Variants in LRRC4C observed in about 807,000 individuals in gnomAD.
LRRC4C encodes the protein leucine rich repeat containing 4C, also known as leucine-rich repeat-containing protein 4C.
LRRC4C carries 5 observed loss-of-function variants against 33.6 expected under a neutral mutation model. The ratio of observed to expected loss-of-function variants is 0.15; its 90% CI spans 0.08 to 0.31. The LOEUF (loss-of-function observed/expected upper bound fraction) is 0.31. LRRC4C is among the 10% of genes least tolerant of loss of function. The pLI is 1.00. For synonymous variants in LRRC4C, 329 were observed against 302.0 expected, an observed-to-expected ratio of 1.09 and a Z score of -0.93; for missense variants, 560 against 796.7, an observed-to-expected ratio of 0.70 and a Z score of 3.58.
intron 3 of LRRC4C, among the ~76,000 whole-genome samples, chr11:40,469,832 A>G (rs1454909868): frequency 1.3e-5 from 2 of 152,130 alleles, no homozygotes; most frequent in Admixed American, 6.5e-5. Flanking sequence ...GCCTCTCTAG[A>G]TTCCTCCTCT....
chr11:41,199,783 C>T (rs533844582), intron 1 of LRRC4C, among the ~76,000 whole-genome samples: 1 of 152,196 alleles, frequency 6.6e-6, no homozygotes, highest in Non-Finnish European at 1.5e-5. Context: ...ACTAGCTGGA[C>T]CTTCTTTCTG....
chr11:41,094,898 G>A (rs767108505), intron 1 of LRRC4C, among the ~76,000 whole-genome samples: 5 of 152,028 alleles, frequency 3.3e-5, no homozygotes, highest in Admixed American at 6.5e-5. Flanking sequence ...GTCTAAAAAG[G>A]TAGAGCTTAA....
intron 2 of LRRC4C, among the ~76,000 whole-genome samples, chr11:40,819,853 T>C (rs1481570489): frequency 6.6e-6 from 1 of 151,914 alleles, no homozygotes; most frequent in African/African-American, 2.4e-5. Context: ...TCAAGATACA[T>C]AGAAAAACTC....
chr11:40,579,587 A>G (rs1283478355), intron 3 of LRRC4C, among the ~76,000 whole-genome samples: 2 of 152,154 alleles, frequency 1.3e-5, no homozygotes, highest in Non-Finnish European at 2.9e-5. Context: ...ACCACAGTCT[A>G]GTTTTAGAAC....
intron 1 of LRRC4C, among the ~76,000 whole-genome samples, chr11:41,043,701 T>C (rs997038340): frequency 2.6e-5 from 4 of 152,156 alleles, no homozygotes; most frequent in African/African-American, 9.7e-5. Flanking sequence ...TGAGCTATTG[T>C]GTCCACAGCT....
intron 3 of LRRC4C, among the ~76,000 whole-genome samples, chr11:40,469,182 G>A (rs1822015): frequency 0.37 from 56,275 of 151,944 alleles, 10,749 homozygotes; most frequent in East Asian, 0.57. Context: ...TGAGGTACCC[G>A]GGTCATCTCA....
chr11:40,479,376 C>A (rs1316472713), intron 3 of LRRC4C, among the ~76,000 whole-genome samples: 1 of 152,016 alleles, frequency 6.6e-6, no homozygotes, highest in Non-Finnish European at 1.5e-5. Context: ...TTTGAGCTAC[C>A]CAGACAAGGT....
At chr11:41,395,972 G>A (rs1565639053) in intron 1 of LRRC4C, among the ~76,000 whole-genome samples, 1 of 152,040 alleles carries the variant, frequency 6.6e-6, no homozygotes, top group Non-Finnish European at 1.5e-5. Context: ...TGGGCCACAT[G>A]TGGCCCAGGA....
chr11:40,430,171 C>T (rs541681096), intron 3 of LRRC4C, among the ~76,000 whole-genome samples: 1 of 151,038 alleles, frequency 6.6e-6, no homozygotes, highest in African/African-American at 2.4e-5. Flanking sequence ...AAAGATTTTT[C>T]TCAGTTTTCA....
chr11:41,387,430 G>T (rs1045002294), intron 1 of LRRC4C, among the ~76,000 whole-genome samples: 2 of 151,682 alleles, frequency 1.3e-5, no homozygotes, highest in African/African-American at 4.8e-5. Flanking sequence ...AACAGATTTG[G>T]TGTTGGCTTA....
At chr11:41,206,608 T>C (rs1946611618) in intron 1 of LRRC4C, among the ~76,000 whole-genome samples, 1 of 152,192 alleles carries the variant, frequency 6.6e-6, no homozygotes, top group South Asian at 2.1e-4. Context: ...CCCCAGGCCC[T>C]ACCACTTTGA....
intron 1 of LRRC4C, among the ~76,000 whole-genome samples, chr11:41,380,296 G>A (rs986524674): frequency 6.6e-6 from 1 of 152,096 alleles, no homozygotes; most frequent in African/African-American, 2.4e-5. Flanking sequence ...ATTGTATCAA[G>A]AATCACTTTT....
chr11:40,114,909 T>C lies in LRRC4C; in HGVS notation c.1384A>G (p.Met462Val). The C allele has an allele frequency of 1.9e-6, 3 of 1,614,192 alleles. No individual in the cohort carries two copies. The highest frequency in any genetic ancestry group is 1.1e-5 in the South Asian group (1 of 91,088). ...CGTGCCTCATCCTGAGACGGTTCCA[T>C]AGTCTCTACTGTGACGGTTGAAAAG... ...SYFSTVTVET[M>V]EPSQDEARTT... The change falls in exon 7 of 7, where the codon ATG (methionine) becomes GTG (valine). Residue 462 changes from methionine (M) to valine (V), a missense_variant. This residue lies in a region of LRRC4C where 455 missense variants were observed against 643.8 expected (regional missense o/e 0.71). Coordinates refer to ENST00000528697, the MANE Select transcript of LRRC4C (RefSeq NM_001258419.2).
At chr11:41,189,893 C>G (rs530724802) in intron 1 of LRRC4C, among the ~76,000 whole-genome samples, 10 of 152,284 alleles carry the variant, frequency 6.6e-5, no homozygotes, top group African/African-American at 2.2e-4. Flanking sequence ...TGTCTCCACA[C>G]TGACGTGCCT....
intron 5 of LRRC4C, among the ~76,000 whole-genome samples, chr11:40,169,637 G>C (rs902508456): frequency 1.3e-4 from 20 of 152,118 alleles, no homozygotes; most frequent in African/African-American, 4.3e-4. Context: ...TGTTGGGAAA[G>C]ACAAGGCACA....
chr11:41,325,254 T>C (rs1193019144), intron 1 of LRRC4C, among the ~76,000 whole-genome samples: 2 of 152,160 alleles, frequency 1.3e-5, no homozygotes, highest in Non-Finnish European at 2.9e-5. Flanking sequence ...AGCTTGTGAA[T>C]GATTCTTGAC....
chr11:40,488,690 T>C (rs1057224753), intron 3 of LRRC4C, among the ~76,000 whole-genome samples: 6 of 152,064 alleles, frequency 3.9e-5, no homozygotes, highest in Admixed American at 3.3e-4. Flanking sequence ...AAATCCTAAA[T>C]GTATTCCTAC....
At chr11:40,732,453 C>A (rs1330158928) in intron 2 of LRRC4C, among the ~76,000 whole-genome samples, 1 of 152,054 alleles carries the variant, frequency 6.6e-6, no homozygotes, top group Non-Finnish European at 1.5e-5. Context: ...GTCTTTCTTC[C>A]AGAAGTTAAA....
At chr11:40,328,023 A>G (rs1049283043) in intron 3 of LRRC4C, among the ~76,000 whole-genome samples, 7 of 152,154 alleles carry the variant, frequency 4.6e-5, no homozygotes, top group Non-Finnish European at 7.4e-5. Context: ...ACAAATATGT[A>G]CCACAGACAG....
Sources: gnomAD v4.1 joint callset for allele counts (sites outside exome capture counted in the v4.1 genomes callset) on GRCh38, gnomAD v4.1.1 for gene constraint, gnomAD v4.1.1 regional missense constraint, MANE v1.5 for transcripts, NCBI Gene and HGNC (gene_info 2026-07-23, HGNC 2026-07-21) for gene names.